MAPK8: variants seen among roughly 807,000 people sequenced by gnomAD.
The protein encoded by MAPK8 is mitogen-activated protein kinase 8.
A neutral mutation model predicts 52.9 loss-of-function variants in MAPK8; 13 were observed. That is an observed-to-expected ratio of 0.25 (90% CI 0.16 to 0.39). The LOEUF is 0.39. Among genes scored for constraint, MAPK8 ranks in the 10% least tolerant of loss-of-function variants. The pLI, the probability that MAPK8 is intolerant of heterozygous loss-of-function variation, is 1.00. For synonymous variants in MAPK8, 191 were observed against 169.8 expected, an observed-to-expected ratio of 1.12 and a Z score of -0.97; for missense variants, 300 against 519.2, an observed-to-expected ratio of 0.58 and a Z score of 4.10.
At chr10:48,324,673 G>T (rs576730005) in intron 1 of MAPK8, among the ~76,000 whole-genome samples, 1 of 75,790 alleles carries the variant, frequency 1.3e-5, no homozygotes, top group Admixed American at 1.6e-4. Flanking sequence ...CTAAAGACTG[G>T]ATTATATTTA....
At chr10:48,420,416 A>T in intron 6 of MAPK8, 96 bp downstream of exon 6, 1 of 1,151,100 alleles carries the variant, frequency 8.7e-7, no homozygotes, top group South Asian at 2.0e-5. Flanking sequence ...AAGTACGTTG[A>T]GTTAAATGTG....
chr10:48,349,336 A>G (rs1272530511), intron 1 of MAPK8, among the ~76,000 whole-genome samples: 1 of 152,194 alleles, frequency 6.6e-6, no homozygotes, highest in Non-Finnish European at 1.5e-5. Context: ...TCTCAGCACC[A>G]CATCACACTT....
chr10:48,354,057 A>G (rs1330006567), intron 1 of MAPK8, among the ~76,000 whole-genome samples: 1 of 152,194 alleles, frequency 6.6e-6, no homozygotes, highest in Non-Finnish European at 1.5e-5. Flanking sequence ...ATTTTATATT[A>G]TAGTAAGATG....
intron 1 of MAPK8, among the ~76,000 whole-genome samples, chr10:48,319,302 T>G (rs73293150): frequency 6.6e-6 from 1 of 152,200 alleles, no homozygotes; most frequent in Non-Finnish European, 1.5e-5. Context: ...TCAAAGCTTT[T>G]TTAGTATATT....
chr10:48,311,176 A>G (rs1038028403), intron 1 of MAPK8, among the ~76,000 whole-genome samples: 3 of 152,168 alleles, frequency 2.0e-5, no homozygotes, highest in African/African-American at 4.8e-5. Flanking sequence ...TGCTAGATAC[A>G]AGTATTCAGG....
intron 1 of MAPK8, among the ~76,000 whole-genome samples, chr10:48,357,673 T>C (rs979144964): frequency 3.9e-5 from 6 of 152,232 alleles, no homozygotes; most frequent in African/African-American, 1.4e-4. Flanking sequence ...GGTGGGGTTA[T>C]AGGTTACACT....
intron 1 of MAPK8, among the ~76,000 whole-genome samples, chr10:48,326,529 A>T (rs1345039873): frequency 6.6e-6 from 1 of 152,162 alleles, no homozygotes; most frequent in Non-Finnish European, 1.5e-5. Context: ...AGAAACAAAG[A>T]TCTAGGTGCC....
At chr10:48,388,473 C>G (rs1589153392) in intron 1 of MAPK8, among the ~76,000 whole-genome samples, 1 of 152,100 alleles carries the variant, frequency 6.6e-6, no homozygotes, top group African/African-American at 2.4e-5. Context: ...AAGTAGTATG[C>G]CCCTCTAGGC....
chr10:48,416,730 C>G (rs115732345), intron 5 of MAPK8, among the ~76,000 whole-genome samples: 1 of 152,108 alleles, frequency 6.6e-6, no homozygotes. Context: ...TAATTAAATT[C>G]TTCTGTACAG....
At chr10:48,434,808 G>T in intron 11 of MAPK8, 76 bp from the exon 12 acceptor site, 2 of 1,288,888 alleles carry the variant, frequency 1.6e-6, no homozygotes, top group Non-Finnish European at 2.1e-6. Flanking sequence ...TACCACTGGA[G>T]GCAGTCAGTG....
At chr10:48,375,302 G>A (rs573119989) in intron 1 of MAPK8, among the ~76,000 whole-genome samples, 39 of 152,058 alleles carry the variant, frequency 2.6e-4, no homozygotes, top group Non-Finnish European at 4.4e-4. Flanking sequence ...GGGCAAAAAC[G>A]GGAAGCATTC....
chr10:48,399,763 C>G (rs1417762720), intron 1 of MAPK8, among the ~76,000 whole-genome samples: 1 of 152,168 alleles, frequency 6.6e-6, no homozygotes, highest in African/African-American at 2.4e-5. Flanking sequence ...TCCTGATTAT[C>G]TTAATCTTTT....
intron 1 of MAPK8, among the ~76,000 whole-genome samples, chr10:48,378,236 A>G (rs921183572): frequency 2.0e-5 from 3 of 152,126 alleles, no homozygotes; most frequent in Non-Finnish European, 4.4e-5. Context: ...GGGAGGAGGA[A>G]ATGTCTCAGT....
intron 2 of MAPK8, 139 bp downstream of exon 2, chr10:48,401,921 C>T (rs1003025638): frequency 4.9e-6 from 3 of 613,064 alleles, no homozygotes; most frequent in African/African-American, 2.0e-5. Context: ...AAAACTATTC[C>T]ACAGTAAATT....
chr10:48,398,982 T>G (rs2042024531), intron 1 of MAPK8, among the ~76,000 whole-genome samples: 1 of 152,220 alleles, frequency 6.6e-6, no homozygotes, highest in Non-Finnish European at 1.5e-5. Flanking sequence ...GTACAGTTGG[T>G]ACAATTTTTA....
chr10:48,358,109 G>A (rs946354760), intron 1 of MAPK8, among the ~76,000 whole-genome samples: 2 of 152,168 alleles, frequency 1.3e-5, no homozygotes, highest in Non-Finnish European at 2.9e-5. Context: ...GTTGTGAATA[G>A]TGCTGCTATG....
chr10:48,370,719 A>G (rs1848464117), intron 1 of MAPK8, among the ~76,000 whole-genome samples: 2 of 152,092 alleles, frequency 1.3e-5, no homozygotes, highest in Non-Finnish European at 2.9e-5. Context: ...AAAAGAAGTA[A>G]ACATGGAAGG....
intron 2 of MAPK8, among the ~76,000 whole-genome samples, chr10:48,402,299 T>G (rs1327670572): frequency 6.6e-6 from 1 of 152,206 alleles, no homozygotes; most frequent in Admixed American, 6.5e-5. Context: ...GCATGCTTGT[T>G]AATTTCATGT....
Position 48,320,243 on chromosome 10 carries a change from T to A in MAPK8, c.-50+13422T>A, listed in dbSNP as rs796339477. On this transcript the variant is annotated intron_variant, in intron 1 of 11. Coordinates refer to ENST00000374189, the MANE Select transcript of MAPK8 (RefSeq NM_001323329.2). ...TTTTTTTTTTTTTTTTTTTTTTTTT[T>A]AAATTAGATCAGGTCTTGCTCTGTC... Among the ~76,000 whole-genome samples the A allele has an allele frequency of 2.2e-3, 300 of 133,456 alleles. 2 individuals are homozygous for A. Among genetic ancestry groups the A allele is most frequent in the African/African-American group, 8.8e-3 (281 of 31,836 alleles). 87.6% of individuals were successfully genotyped at this position (133,456 alleles called of 152,430 possible).
Sources: allele counts gnomAD v4.1 joint callset (sites outside exome capture counted in the v4.1 genomes callset), GRCh38; gene constraint gnomAD v4.1.1; transcripts MANE v1.5; gene names NCBI Gene and HGNC (gene_info 2026-07-23, HGNC 2026-07-21).